The following TRIM26 variants were observed in gnomAD, a reference collection of about 807,000 sequenced individuals.
The protein encoded by TRIM26 is tripartite motif-containing protein 26.
In TRIM26, 16 loss-of-function variants were observed where a neutral mutation model predicts 45.5. The ratio of observed to expected loss-of-function variants is 0.35; its 90% CI spans 0.24 to 0.53. TRIM26 has a LOEUF of 0.53. Among genes scored for constraint, TRIM26 ranks in the 20% least tolerant of loss-of-function variants. The pLI, the probability that TRIM26 is intolerant of heterozygous loss-of-function variation, is 0.92. For synonymous variants in TRIM26, 273 were observed against 290.4 expected (o/e 0.94, Z 0.61); for missense variants, 442 against 691.1 (o/e 0.64, Z 4.04).
In TRIM26 at chr6:30,199,158, G is replaced by A. The variant is rs2072107; in HGVS notation, c.-55C>T. 210,539 of 1,500,766 alleles carry A rather than the reference G, an allele frequency of 0.14. 16,140 individuals are homozygous for A. Among genetic ancestry groups the A allele is most frequent in the South Asian group, 0.22 (16,508 of 74,138 alleles). The allele number at this position is 1,500,766 out of a possible 1,614,324, so 93.0% of individuals were successfully genotyped here. A position where few individuals can be genotyped will look rare whatever the true frequency, so the allele number is the denominator to read the frequency against. ...CACTGGTGAGGACTTCTTCTCCTTG[G>A]AGACGCGACATAGAGTCAGGAGCAA... On this transcript the variant is annotated 5_prime_UTR_variant, in exon 4 of 10. Coordinates refer to ENST00000454678, the MANE Select transcript of TRIM26 (RefSeq NM_003449.5).
intron 9 of TRIM26, chr6:30,187,018 C>A: frequency 2.6e-6 from 1 of 378,544 alleles, no homozygotes; most frequent in Non-Finnish European, 4.9e-6. Context: ...GAAAGGAACA[C>A]TATGAAACAC....
chr6:30,186,921 G>T lies in TRIM26; in HGVS notation c.938-363C>A. 3.4e-6 allele frequency: 2 copies of T among 588,620 alleles called. No homozygotes were observed. Among genetic ancestry groups the T allele is most frequent in the Non-Finnish European group, 6.1e-6 (2 of 325,922 alleles). 36.5% of individuals were successfully genotyped at this position (588,620 alleles called of 1,614,324 possible). ...TGGATCACCAGTCCCTGAAAAATCT[G>T]TTCCATTTTCTTCATAATCCAGAAA... On this transcript the variant is annotated intron_variant, in intron 9 of 9. Coordinates refer to ENST00000454678, the MANE Select transcript of TRIM26 (RefSeq NM_003449.5). The surrounding 1 kb of genome is among the most constrained non-coding windows in gnomAD (Gnocchi z 7.4).
In TRIM26 at chr6:30,206,185, G is replaced by A. The variant is rs189712229; in HGVS notation, c.-375-1420C>T. On this transcript the variant is annotated intron_variant, in intron 1 of 9. Transcript: ENST00000454678. ...GTGAGACACCTCTAACAAACCTGGA[G>A]AGGCCAGAATTCGGGGCAAAAAGCA... Among the ~76,000 whole-genome samples, 1,092 of 152,368 alleles carry A rather than the reference G, an allele frequency of 7.2e-3. 42 individuals are homozygous for A. In the South Asian group the frequency reaches 0.12, roughly 17 times the overall value.
intron 2 of TRIM26, among the ~76,000 whole-genome samples, chr6:30,202,180 T>G (rs1299806524): frequency 6.6e-6 from 1 of 152,192 alleles, no homozygotes; most frequent in Non-Finnish European, 1.5e-5. Flanking sequence ...TCTTCTTCCA[T>G]GCAAAACAGG....
At chr6:30,205,123 C>G (rs1445184316) in intron 1 of TRIM26, among the ~76,000 whole-genome samples, 1 of 152,102 alleles carries the variant, frequency 6.6e-6, no homozygotes, top group Non-Finnish European at 1.5e-5. Context: ...TGCCTATAAT[C>G]CCAGCTACTG....
chr6:30,198,335 T>G lies in TRIM26; in HGVS notation c.534+94A>C, dbSNP rs1253854378. 2.1e-6 allele frequency: 3 copies of G among 1,401,718 alleles called. No individual in the cohort carries two copies. In the African/African-American group the frequency reaches 4.3e-5, roughly 20 times the overall value. 86.8% of individuals were successfully genotyped at this position (1,401,718 alleles called of 1,614,324 possible). Reference sequence around the variant, plus strand: ...ACCCATCCTCCCTGTGAGCAGCGCCTAGAAACACCTCCCAGCTGCCGCCTA... The same window carrying G: ...ACCCATCCTCCCTGTGAGCAGCGCCGAGAAACACCTCCCAGCTGCCGCCTA... On this transcript the variant is annotated intron_variant, in intron 5 of 9. Coordinates refer to ENST00000454678, the MANE Select transcript of TRIM26 (RefSeq NM_003449.5). The surrounding 1 kb of genome is among the most constrained non-coding windows in gnomAD (Gnocchi z 6.3).
Position 30,189,204 on chromosome 6 carries a change from G to A in TRIM26, c.905-5C>T. The A allele has an allele frequency of 6.2e-7, 1 of 1,612,944 alleles. No homozygotes were observed. Among genetic ancestry groups the A allele is most frequent in the Non-Finnish European group, 8.5e-7 (1 of 1,179,996 alleles). Reference sequence around the variant, plus strand: ...CCAAGTCTCTCAGCAGCTTCCCTGGGGAGAAAAAAGGACAGCAATGACTCA... The same window carrying A: ...CCAAGTCTCTCAGCAGCTTCCCTGGAGAGAAAAAAGGACAGCAATGACTCA... On this transcript the variant is annotated splice_region_variant and splice_polypyrimidine_tract_variant and intron_variant, in intron 8 of 9. Coordinates refer to ENST00000454678, the MANE Select transcript of TRIM26 (RefSeq NM_003449.5). The surrounding 1 kb of genome is among the most constrained non-coding windows in gnomAD (Gnocchi z 5.0).
Position 30,186,181 on chromosome 6 carries a change from C to A in TRIM26, c.1315G>T (p.Val439Leu). Residue 439 changes from valine (V) to leucine (L), a missense_variant, in exon 10 of 10, where the codon GTG becomes TTG. By Grantham distance (32) the Val-to-Leu change is conservative. Transcript: ENST00000454678. The surrounding 1 kb of genome is among the most constrained non-coding windows in gnomAD (Gnocchi z 7.4). ...TTCACAGAGTCTCTAGCCACCCCCA[C>A]CATGCAGCTTTCCAGAACTTCCTCC... ...EEEEVLESCMVGVARDSVKRK... is the reference protein window; with the variant it reads ...EEEEVLESCMLGVARDSVKRK... The A allele has an allele frequency of 6.3e-7, 1 of 1,597,956 alleles. No individual in the cohort carries two copies. Among genetic ancestry groups the A allele is most frequent in the South Asian group, 1.1e-5 (1 of 88,846 alleles).
intron 6 of TRIM26, among the ~76,000 whole-genome samples, chr6:30,195,517 C>A (rs1416889038): frequency 1.3e-5 from 2 of 152,164 alleles, no homozygotes; most frequent in African/African-American, 4.8e-5. Context: ...TCAGTAGGGG[C>A]TGAACTGGAA....
Position 30,198,366 on chromosome 6 carries a change from C to T in TRIM26, c.534+63G>A, listed in dbSNP as rs1776710087. On this transcript the variant is annotated intron_variant, in intron 5 of 9. Coordinates refer to ENST00000454678, the MANE Select transcript of TRIM26 (RefSeq NM_003449.5). This position sits in a 1 kb window ranked among gnomAD's most constrained non-coding sequence, Gnocchi z 6.3. Reference sequence around the variant, plus strand: ...CACCTCCCAGCTGCCGCCTACTTGCCCAGGCTCACCCTGCCCTACACGGGC... The same window carrying T: ...CACCTCCCAGCTGCCGCCTACTTGCTCAGGCTCACCCTGCCCTACACGGGC... 1.9e-6 allele frequency: 3 copies of T among 1,587,952 alleles called. No individual in the cohort carries two copies. Among genetic ancestry groups the T allele is most frequent in the Middle Eastern group, 2.1e-4 (1 of 4,814 alleles).
intron 1 of TRIM26, among the ~76,000 whole-genome samples, chr6:30,206,160 G>A (rs781277336): frequency 1.8e-4 from 27 of 152,210 alleles, no homozygotes; most frequent in African/African-American, 4.8e-4. Flanking sequence ...GTAAACTTCC[G>A]TGAGACACCT....
chr6:30,194,305 T>C (rs570365508), intron 6 of TRIM26, among the ~76,000 whole-genome samples: 1 of 151,898 alleles, frequency 6.6e-6, no homozygotes, highest in South Asian at 2.1e-4. Context: ...TGATTAGAGG[T>C]TGGGAAGGGG....
In TRIM26 at chr6:30,186,541, G is replaced by A; in HGVS notation, c.955C>T (p.Pro319Ser). Residue 319 changes from proline to serine, a missense_variant, in exon 10 of 10, where the codon CCA becomes TCA. Coordinates refer to ENST00000454678, the MANE Select transcript of TRIM26 (RefSeq NM_003449.5). This position sits in a 1 kb window ranked among gnomAD's most constrained non-coding sequence, Gnocchi z 7.4. ...TGCAGGTACCCACTGGCCGACTGTG[G>A]GTCCAGGGTGACGCTCACTGTGGGG... ...EYKTVSVTLDPQSASGYLQLS... is the reference protein window; with the variant it reads ...EYKTVSVTLDSQSASGYLQLS... The A allele has an allele frequency of 6.6e-7, 1 of 1,518,014 alleles. No homozygotes were observed. The highest frequency in any genetic ancestry group is 8.8e-7 in the Non-Finnish European group (1 of 1,136,896). 94.0% of individuals were successfully genotyped at this position (1,518,014 alleles called of 1,614,324 possible). A position where few individuals can be genotyped will look rare whatever the true frequency, so the allele number is the denominator to read the frequency against.
rs1777827340 is a variant in TRIM26, at chr6:30,207,334, A to C, written c.-375-2569T>G. On this transcript the variant is annotated intron_variant, in intron 1 of 9. Transcript: ENST00000454678. The surrounding 1 kb of genome is among the most constrained non-coding windows in gnomAD (Gnocchi z 4.9). ...AGGCACCGAGGTTACAGCAGAGAAC[A>C]AAAGTGGCAAACTCCCTGTCCTACC... Among the ~76,000 whole-genome samples the C allele has an allele frequency of 6.6e-6, 1 of 152,306 alleles. No homozygotes were observed. The highest frequency in any genetic ancestry group is 3.4e-3 in the Middle Eastern group (1 of 294).
At position 30,196,815 on chromosome 6, in the gene TRIM26, G is replaced by A. The variant is rs959023632; in HGVS notation, c.535-69C>T. 1 of 1,528,258 alleles carries A rather than the reference G, an allele frequency of 6.5e-7. No homozygotes were observed. Among genetic ancestry groups the A allele is most frequent in the East Asian group, 2.3e-5 (1 of 43,772 alleles). 94.7% of individuals were successfully genotyped at this position (1,528,258 alleles called of 1,614,324 possible). On this transcript the variant is annotated intron_variant, in intron 5 of 9. Coordinates refer to ENST00000454678, the MANE Select transcript of TRIM26 (RefSeq NM_003449.5). This position sits in a 1 kb window ranked among gnomAD's most constrained non-coding sequence, Gnocchi z 4.9. ...GGGTGGAGGGCCCAGTGCTGGAGGTGTGCAAGGCTGGCTCGTTCACCTCGC... is the reference window on the plus strand; with the variant it reads ...GGGTGGAGGGCCCAGTGCTGGAGGTATGCAAGGCTGGCTCGTTCACCTCGC...
intron 1 of TRIM26, among the ~76,000 whole-genome samples, chr6:30,213,009 G>C (rs1322081403): frequency 6.6e-6 from 1 of 152,096 alleles, no homozygotes; most frequent in Non-Finnish European, 1.5e-5. Context: ...CCAAGCAACC[G>C]GACGGTCATC....
chr6:30,194,082 C>G (rs922609890), intron 6 of TRIM26, among the ~76,000 whole-genome samples: 15 of 152,096 alleles, frequency 9.9e-5, no homozygotes, highest in African/African-American at 2.9e-4. Context: ...AATCTCATTA[C>G]TAGGTATTTA....
At position 30,186,175 on chromosome 6, in the gene TRIM26, C is replaced by A. The variant is rs776555530; in HGVS notation, c.1321G>T (p.Val441Leu). 2 of 1,597,576 alleles carry A rather than the reference C, an allele frequency of 1.3e-6. No homozygotes were observed. Among genetic ancestry groups the A allele is most frequent in the South Asian group, 2.3e-5 (2 of 88,762 alleles). The change falls in exon 10 of 10, where the codon GTG (valine) becomes TTG (leucine). Residue 441 changes from valine to leucine, a missense_variant. Physicochemically the swap from Val to Leu is conservative, Grantham distance 32 (BLOSUM62 1). Coordinates refer to ENST00000454678, the MANE Select transcript of TRIM26 (RefSeq NM_003449.5). This position sits in a 1 kb window ranked among gnomAD's most constrained non-coding sequence, Gnocchi z 7.4. ...EEVLESCMVG[V>L]ARDSVKRKGD... The stretch of plus-strand genomic sequence containing the variant: ...TTCCTCTTCACAGAGTCTCTAGCCA[C>A]CCCCACCATGCAGCTTTCCAGAACT...
intron 6 of TRIM26, among the ~76,000 whole-genome samples, chr6:30,191,532 C>T (rs959828160): frequency 7.9e-5 from 12 of 151,648 alleles, no homozygotes; most frequent in South Asian, 2.1e-4. Flanking sequence ...ATACGCACCA[C>T]GGGAAAAGAG....
Sources: gnomAD v4.1 joint callset for allele counts (sites outside exome capture counted in the v4.1 genomes callset) on GRCh38, gnomAD v4.1.1 for gene constraint, Gnocchi (gnomAD v3.1) non-coding constraint, MANE v1.5 for transcripts, NCBI Gene and HGNC (gene_info 2026-07-23, HGNC 2026-07-21) for gene names.